The following GRK6 variants were observed in gnomAD, a reference collection of about 807,000 sequenced individuals.
GRK6 encodes G protein-coupled receptor kinase 6.
A neutral mutation model predicts 80.8 loss-of-function variants in GRK6; 37 were observed. That is an observed-to-expected ratio of 0.46 (90% CI 0.35 to 0.60). The LOEUF is 0.60. Ranked by LOEUF, GRK6 falls within the 20% of genes least tolerant of loss-of-function variation. GRK6 has a pLI of 0.00. For synonymous variants in GRK6, 295 were observed against 320.9 expected (o/e 0.92, Z 0.86); for missense variants, 560 against 784.6 (o/e 0.71, Z 3.42).
In GRK6 at chr5:177,432,102, G is replaced by C; in HGVS notation, c.256G>C (p.Gly86Arg). 6.2e-7 allele frequency: 1 copy of C among 1,610,786 alleles called. No homozygotes were observed. Among genetic ancestry groups the C allele is most frequent in the Non-Finnish European group, 8.5e-7 (1 of 1,178,326 alleles). Residue 86 changes from glycine to arginine, a missense_variant, in exon 3 of 16, where the codon GGG becomes CGG. By Grantham distance (125) the Gly-to-Arg change is moderately radical. Transcript: ENST00000355472. ...ELSRCVAFLD[G>R]VAEYEVTPDD... ...GAGCCGCTGCGTCGCCTTCCTGGAT[G>C]GGGTGGTGAGTGCAGCCCAGCCCTG...
chr5:177,441,874 A>G lies in GRK6; in HGVS notation c.*84A>G. ...ACAGTTTTGCACAGTGATCTTCCCC[A>G]TTGTCCACTCAAGTCGTGGCCTGGG... On this transcript the variant is annotated 3_prime_UTR_variant, in exon 16 of 16. Coordinates refer to ENST00000355472, the MANE Select transcript of GRK6 (RefSeq NM_001004106.3). 1 of 1,235,222 alleles carries G rather than the reference A, an allele frequency of 8.1e-7. No individual in the cohort carries two copies. Among genetic ancestry groups the G allele is most frequent in the Non-Finnish European group, 1.2e-6 (1 of 845,642 alleles). The allele number at this position is 1,235,222 out of a possible 1,614,324, so 76.5% of individuals were successfully genotyped here. A position where few individuals can be genotyped will look rare whatever the true frequency, so the allele number is the denominator to read the frequency against.
chr5:177,434,773 C>A, intron 9 of GRK6, 129 bp from the exon 10 acceptor site: 9 of 987,670 alleles, frequency 9.1e-6, no homozygotes, highest in Non-Finnish European at 1.4e-5. Flanking sequence ...GTCTGTCGCC[C>A]TGGCAGCAAA....
At chr5:177,440,651 C>T (rs773867045) in intron 13 of GRK6, 49 bp from the exon 14 acceptor site, 32 of 1,602,206 alleles carry the variant, frequency 2.0e-5, no homozygotes, top group Admixed American at 1.2e-4. Context: ...GCTGCCTTCG[C>T]GTGTGCGTGT....
At chr5:177,425,903 C>A (rs1013537644), upstream of GRK6, among the ~76,000 whole-genome samples, 3 of 152,252 alleles carry the variant, frequency 2.0e-5, no homozygotes, top group Non-Finnish European at 2.9e-5. Context: ...CGCCTCAGCT[C>A]CCCACCTGTA....
At chr5:177,436,025 C>T (rs1403924253) in intron 11 of GRK6, 48 bp from the exon 12 acceptor site, 11 of 1,523,368 alleles carry the variant, frequency 7.2e-6, no homozygotes, top group Middle Eastern at 1.7e-4. Flanking sequence ...GCCTGAGGGT[C>T]CACTGCCCGC....
chr5:177,425,867 G>A (rs1484896592), upstream of GRK6, among the ~76,000 whole-genome samples: 1 of 152,254 alleles, frequency 6.6e-6, no homozygotes, highest in Non-Finnish European at 1.5e-5. Context: ...TAGTCTTCGG[G>A]CTGGAGCCAG....
In GRK6 at chr5:177,428,708, G is replaced by T. The variant is rs905522751; in HGVS notation, c.52+1811G>T. Among the ~76,000 whole-genome samples, 2 of 152,138 alleles carry T rather than the reference G, an allele frequency of 1.3e-5. No individual in the cohort carries two copies. Among genetic ancestry groups the T allele is most frequent in the Admixed American group, 1.3e-4 (2 of 15,278 alleles). ...GCTGGGATTATAGGCATGAGCCACC[G>T]CGCCTGGCCGACCTGCATGACTTTA... On this transcript the variant is annotated intron_variant, in intron 1 of 15. Transcript: ENST00000355472. This position sits in a 1 kb window ranked among gnomAD's most constrained non-coding sequence, Gnocchi z 4.1.
intron 13 of GRK6, among the ~76,000 whole-genome samples, chr5:177,438,257 A>G (rs1463044815): frequency 6.6e-6 from 1 of 152,062 alleles, no homozygotes; most frequent in Admixed American, 6.6e-5. Context: ...AATCCCAGCT[A>G]CTCGGCAGAC....
chr5:177,432,472 C>A (rs770140030), intron 4 of GRK6, among the ~76,000 whole-genome samples, 162 bp downstream of exon 4: 15 of 152,204 alleles, frequency 9.9e-5, no homozygotes, highest in Non-Finnish European at 2.1e-4. Flanking sequence ...GGCAGCACGG[C>A]GGGCATGCAG....
chr5:177,432,074 G>GCTGAT lies in GRK6; in HGVS notation c.232_233insTCTGA (p.Ser78IlefsTer2). 1 of 1,612,274 alleles carries GCTGAT rather than the reference G, an allele frequency of 6.2e-7. No homozygotes were observed. On this transcript the variant is annotated frameshift_variant, in exon 3 of 16. Transcript: ENST00000355472. LOFTEE classifies it high-confidence loss of function. ...GAGAGTTCTGTGCCACGAGGCCGGA[G>GCTGAT]CTGAGCCGCTGCGTCGCCTTCCTGG...
At chr5:177,440,453 C>G (rs1241316800) in intron 13 of GRK6, among the ~76,000 whole-genome samples, 2 of 152,372 alleles carry the variant, frequency 1.3e-5, no homozygotes, top group East Asian at 3.9e-4. Context: ...TGGCATTGGC[C>G]TTTACACAGC....
chr5:177,435,979 T>G (rs1001783793), intron 11 of GRK6, 94 bp from the exon 12 acceptor site: 9 of 1,046,374 alleles, frequency 8.6e-6, no homozygotes, highest in Non-Finnish European at 1.1e-5. Flanking sequence ...CGGGTGTGAG[T>G]GTATCCCAGA....
intron 13 of GRK6, 125 bp from the exon 14 acceptor site, chr5:177,440,575 T>A: frequency 8.3e-7 from 1 of 1,205,426 alleles, no homozygotes; most frequent in Non-Finnish European, 1.2e-6. Context: ...ACCTGGTTTC[T>A]CCAAATCAGA....
At chr5:177,430,833 C>A in intron 1 of GRK6, 39 bp from the exon 2 acceptor site, 2 of 1,574,620 alleles carry the variant, frequency 1.3e-6, no homozygotes, top group Non-Finnish European at 1.7e-6. Flanking sequence ...AGTTCTGAGG[C>A]AGTGGGACTC....
rs1262366387 is a variant in GRK6 at position 177,442,215 on chromosome 5, C to A, written c.*425C>A. On this transcript the variant is annotated 3_prime_UTR_variant, in exon 16 of 16. Coordinates refer to ENST00000355472, the MANE Select transcript of GRK6 (RefSeq NM_001004106.3). ...CCCAGCTTGGATGGCTGAGGGTGGTCACACCCCTGAGCCTTCAGCACTGTG... is the reference window on the plus strand; with the variant it reads ...CCCAGCTTGGATGGCTGAGGGTGGTAACACCCCTGAGCCTTCAGCACTGTG... 1 of 226,250 alleles carries A rather than the reference C, an allele frequency of 4.4e-6. No individual in the cohort carries two copies. The highest frequency in any genetic ancestry group is 2.3e-5 in the African/African-American group (1 of 42,606). 14.0% of individuals were successfully genotyped at this position (226,250 alleles called of 1,614,324 possible). A position where few individuals can be genotyped will look rare whatever the true frequency, so the allele number is the denominator to read the frequency against.
At chr5:177,440,216 T>C (rs1235819484) in intron 13 of GRK6, among the ~76,000 whole-genome samples, 2 of 152,214 alleles carry the variant, frequency 1.3e-5, no homozygotes, top group Admixed American at 6.5e-5. Context: ...TGAGGTGGGC[T>C]CCCAGTGTGG....
rs183094333 is a variant in GRK6, at chr5:177,429,384, G to T, written c.53-1488G>T. ...GCTGCTGCCTTGATGTGGCTGGGAG[G>T]GGGGAGGAGGAAGTAACTGAGGGTG... On this transcript the variant is annotated intron_variant, in intron 1 of 15. Coordinates refer to ENST00000355472, the MANE Select transcript of GRK6 (RefSeq NM_001004106.3). This position sits in a 1 kb window ranked among gnomAD's most constrained non-coding sequence, Gnocchi z 4.3. Among the ~76,000 whole-genome samples the T allele has an allele frequency of 3.5e-3, 537 of 152,244 alleles. No individual in the cohort carries two copies. The highest frequency in any genetic ancestry group is 0.012 in the African/African-American group (494 of 41,536).
chr5:177,433,031 G>A (rs1377686912), intron 5 of GRK6, 116 bp from the exon 6 acceptor site: 3 of 922,760 alleles, frequency 3.3e-6, no homozygotes, highest in Non-Finnish European at 5.2e-6. Flanking sequence ...AGGAGGACTG[G>A]CCGACGACGA....
chr5:177,437,750 GAC>G (rs1318852090), intron 13 of GRK6, among the ~76,000 whole-genome samples: 1 of 152,220 alleles, frequency 6.6e-6, no homozygotes, highest in Admixed American at 6.5e-5. Context: ...TTCTCTGTGT[GAC>G]AGTCATAGGG....
Sources: gnomAD v4.1 joint callset for allele counts (sites outside exome capture counted in the v4.1 genomes callset) on GRCh38, gnomAD v4.1.1 for gene constraint, Gnocchi (gnomAD v3.1) non-coding constraint, MANE v1.5 for transcripts, NCBI Gene and HGNC (gene_info 2026-07-23, HGNC 2026-07-21) for gene names.